Variants in PACS1 observed in about 807,000 individuals in gnomAD.
PACS1 encodes the protein phosphofurin acidic cluster sorting protein 1.
Under a neutral mutation model 115.0 loss-of-function variants are expected in PACS1, and 24 were observed. The observed-to-expected ratio is 0.21, with a 90% CI of 0.15 to 0.29. PACS1 has a LOEUF of 0.29. PACS1 is among the 10% of genes least tolerant of loss of function. PACS1 has a pLI of 1.00. For synonymous variants in PACS1, 453 were observed against 504.5 expected, an observed-to-expected ratio of 0.90 and a Z score of 1.37; for missense variants, 838 against 1,251.2, an observed-to-expected ratio of 0.67 and a Z score of 4.98.
At chr11:66,200,443 G>T (rs890925107) in intron 2 of PACS1, among the ~76,000 whole-genome samples, 5 of 151,482 alleles carry the variant, frequency 3.3e-5, no homozygotes, top group Non-Finnish European at 7.4e-5. Context: ...AAAATAAAGG[G>T]TTGGAAAAAT....
intron 1 of PACS1, among the ~76,000 whole-genome samples, chr11:66,091,640 T>C (rs1857668017): frequency 6.6e-6 from 1 of 151,790 alleles, no homozygotes; most frequent in African/African-American, 2.4e-5. Flanking sequence ...CATTTAGCAT[T>C]AGGTATATCT....
In PACS1 at chr11:66,202,726, GAAA is replaced by G. The variant is rs55677222; in HGVS notation, c.445-7621_445-7619del. Among the ~76,000 whole-genome samples the G allele has an allele frequency of 9.1e-3, 100 of 10,940 alleles. No individual in the cohort carries two copies. In the Middle Eastern group the frequency reaches 0.12, roughly 14 times the overall value. The allele number at this position is 10,940 out of a possible 152,430, so 7.2% of individuals were successfully genotyped here. On this transcript the variant is annotated intron_variant, in intron 2 of 23. Transcript: ENST00000320580. ...CAACATGGCAAAACCTCATCTCTAG[GAAA>G]AAAAAAAAAAAAAATATATATATAT... is the stretch of plus-strand genomic sequence containing the variant.
chr11:66,243,486 T>G lies in PACS1; in HGVS notation c.*206T>G, dbSNP rs1347402885. The G allele has an allele frequency of 5.2e-6, 3 of 577,950 alleles. No individual in the cohort carries two copies. The East Asian group carries it at 8.6e-5, about 16-fold the overall frequency. The allele number at this position is 577,950 out of a possible 1,614,324, so 35.8% of individuals were successfully genotyped here. A position where few individuals can be genotyped will look rare whatever the true frequency, so the allele number is the denominator to read the frequency against. ...CCACCCCTGCACAGCCCCTCCTCCTTCCCGCTTTTCCCCTTCTCCCTCCTG... is the reference window on the plus strand; with the variant it reads ...CCACCCCTGCACAGCCCCTCCTCCTGCCCGCTTTTCCCCTTCTCCCTCCTG... On this transcript the variant is annotated 3_prime_UTR_variant, in exon 24 of 24. Coordinates refer to ENST00000320580, the MANE Select transcript of PACS1 (RefSeq NM_018026.4).
intron 2 of PACS1, among the ~76,000 whole-genome samples, chr11:66,200,310 C>T (rs1373740854): frequency 1.3e-5 from 2 of 152,050 alleles, no homozygotes; most frequent in East Asian, 3.9e-4. Flanking sequence ...ATGATTGTGC[C>T]AGTACACTCC....
chr11:66,230,351 G>T, intron 11 of PACS1, 197 bp from the exon 12 acceptor site: 1 of 583,656 alleles, frequency 1.7e-6, no homozygotes. Flanking sequence ...GTGCCCACAC[G>T]GGGTGTACTC....
chr11:66,187,335 C>T (rs1200424417), intron 1 of PACS1, among the ~76,000 whole-genome samples: 1 of 152,124 alleles, frequency 6.6e-6, no homozygotes, highest in African/African-American at 2.4e-5. Context: ...CATTGACTCT[C>T]CTCCTCCTAG....
At chr11:66,237,258 C>T (rs1855723457) in intron 19 of PACS1, among the ~76,000 whole-genome samples, 4 of 152,120 alleles carry the variant, frequency 2.6e-5, no homozygotes, top group Non-Finnish European at 2.9e-5. Flanking sequence ...GATGGCATTT[C>T]GCCATGGTGC....
intron 1 of PACS1, among the ~76,000 whole-genome samples, chr11:66,073,551 A>G (rs1857346049): frequency 6.6e-6 from 1 of 151,930 alleles, no homozygotes; most frequent in Non-Finnish European, 1.5e-5. Flanking sequence ...TTTTCTTTTG[A>G]AAAAAATACC....
intron 1 of PACS1, among the ~76,000 whole-genome samples, chr11:66,136,685 G>A (rs947187841): frequency 6.6e-5 from 10 of 152,066 alleles, no homozygotes; most frequent in Admixed American, 2.0e-4. Flanking sequence ...GCCTTGGCCC[G>A]AGTGCTTCCA....
intron 1 of PACS1, among the ~76,000 whole-genome samples, chr11:66,153,742 C>T (rs1859296035): frequency 6.6e-6 from 1 of 152,130 alleles, no homozygotes; most frequent in Non-Finnish European, 1.5e-5. Flanking sequence ...GATGGTGCCA[C>T]TGCACTCCAG....
intron 1 of PACS1, among the ~76,000 whole-genome samples, chr11:66,078,389 C>T (rs952128515): frequency 1.6e-4 from 24 of 152,144 alleles, no homozygotes; most frequent in Admixed American, 2.0e-4. Flanking sequence ...TGTAACTCCT[C>T]CAAATGACAG....
intron 1 of PACS1, among the ~76,000 whole-genome samples, chr11:66,188,072 A>C (rs566877624): frequency 1.3e-4 from 19 of 150,316 alleles, no homozygotes; most frequent in Non-Finnish European, 2.7e-4. Context: ...AGGGATGTTG[A>C]ATTTTTTTTT....
chr11:66,134,248 CTTTTTCTTTTT>C (rs1464599686), intron 1 of PACS1, among the ~76,000 whole-genome samples: 5 of 86,538 alleles, frequency 5.8e-5, no homozygotes, highest in African/African-American at 1.9e-4. Context: ...TTTTCTTTTT[CTTTTTCTTTTT>C]TTTTTTTTTT....
At chr11:66,222,186 G>A (rs573065073) in intron 10 of PACS1, among the ~76,000 whole-genome samples, 14 of 152,278 alleles carry the variant, frequency 9.2e-5, no homozygotes, top group South Asian at 8.3e-4. Flanking sequence ...TGGGCGTTTG[G>A]CCAGTAGTGA....
intron 1 of PACS1, among the ~76,000 whole-genome samples, chr11:66,124,658 A>T (rs900250340): frequency 3.9e-5 from 6 of 152,218 alleles, no homozygotes; most frequent in Non-Finnish European, 4.4e-5. Context: ...ATGGAGATCA[A>T]ACTCTGCCTT....
intron 2 of PACS1, among the ~76,000 whole-genome samples, chr11:66,209,973 A>G (rs540405200): frequency 6.6e-6 from 1 of 151,806 alleles, no homozygotes; most frequent in East Asian, 1.9e-4. Flanking sequence ...TTGCAAACAT[A>G]GTATTTCTTT....
At position 66,154,984 on chromosome 11, in the gene PACS1, C is replaced by T. The variant is rs576136859; in HGVS notation, c.357-38502C>T. On this transcript the variant is annotated intron_variant, in intron 1 of 23. Coordinates refer to ENST00000320580, the MANE Select transcript of PACS1 (RefSeq NM_018026.4). ...GATGGAATCCAGAAAGAGATCCACA[C>T]GTAAATAGACAATTGATTTGCAGCA... is the stretch of plus-strand genomic sequence containing the variant. 7.2e-5 allele frequency among the ~76,000 whole-genome samples: 11 copies of T among 152,204 alleles called. No individual in the cohort carries two copies. The South Asian group carries it at 2.1e-3, about 29-fold the overall frequency.
At chr11:66,182,958 C>T (rs1230272249) in intron 1 of PACS1, among the ~76,000 whole-genome samples, 4 of 152,022 alleles carry the variant, frequency 2.6e-5, no homozygotes, top group Non-Finnish European at 5.9e-5. Context: ...GGTGAAACCT[C>T]GTCTCTACTA....
chr11:66,127,223 G>C (rs954844101), intron 1 of PACS1, among the ~76,000 whole-genome samples: 17 of 152,158 alleles, frequency 1.1e-4, no homozygotes, highest in African/African-American at 4.1e-4. Context: ...ATGTCTCCCC[G>C]AAGGGAAGGA....
Sources: gnomAD v4.1 joint callset for allele counts (sites outside exome capture counted in the v4.1 genomes callset) on GRCh38, gnomAD v4.1.1 for gene constraint, MANE v1.5 for transcripts, NCBI Gene and HGNC (gene_info 2026-07-23, HGNC 2026-07-21) for gene names.